Variants in CFAP54 observed in about 807,000 individuals in gnomAD.
CFAP54 encodes cilia and flagella associated protein 54, also known as cilia- and flagella-associated protein 54.
CFAP54 carries 290 observed loss-of-function variants against 370.4 expected under a neutral mutation model. That is an observed-to-expected ratio of 0.78 (90% CI 0.71 to 0.86). The LOEUF (loss-of-function observed/expected upper bound fraction) is 0.86. Among genes scored for constraint, CFAP54 ranks in the 40% least tolerant of loss-of-function variants. The pLI is 0.00. For missense variants in CFAP54, 3,399 were observed against 3,528.7 expected (o/e 0.96, Z 0.93); for synonymous variants, 1,206 against 1,236.5 (o/e 0.98, Z 0.52).
At chr12:96,629,012 C>T (rs1300328933) in intron 30 of CFAP54, among the ~76,000 whole-genome samples, 8 of 152,036 alleles carry the variant, frequency 5.3e-5, no homozygotes, top group East Asian at 1.9e-4. Flanking sequence ...GTAAAAGGTC[C>T]GCTCAGTTCC....
chr12:96,790,381 TC>T (rs1397908940), intron 62 of CFAP54, among the ~76,000 whole-genome samples: 12 of 152,216 alleles, frequency 7.9e-5, no homozygotes, highest in African/African-American at 2.6e-4. Context: ...GTATAATTCA[TC>T]AATTAGCATA....
Position 96,641,628 on chromosome 12 carries a change from C to T in CFAP54, c.4317-2550C>T, listed in dbSNP as rs145267939. ...ATGCTGCTGTAAAGACACATGCACA[C>T]GTATGTTTATTGCGGCACTATTCAC... On this transcript the variant is annotated intron_variant, in intron 32 of 67. Transcript: ENST00000524981. 4.1e-3 allele frequency among the ~76,000 whole-genome samples: 626 copies of T among 152,146 alleles called. 5 individuals carry two copies. The highest frequency in any genetic ancestry group is 4.8e-3 in the Non-Finnish European group (328 of 68,012).
intron 26 of CFAP54, among the ~76,000 whole-genome samples, chr12:96,618,048 C>T (rs1225303733): frequency 6.6e-6 from 1 of 150,892 alleles, no homozygotes; most frequent in Non-Finnish European, 1.5e-5. Flanking sequence ...AAAGCTCTTC[C>T]ATCAATGAGT....
intron 33 of CFAP54, 147 bp downstream of exon 33, chr12:96,644,555 C>T (rs1047160944): frequency 3.8e-5 from 23 of 607,428 alleles, no homozygotes; most frequent in African/African-American, 3.1e-4. Flanking sequence ...TCTGTTCTCA[C>T]ACTGCTATAA....
intron 48 of CFAP54, among the ~76,000 whole-genome samples, chr12:96,716,835 G>C (rs1441457459): frequency 6.6e-6 from 1 of 152,216 alleles, no homozygotes; most frequent in Non-Finnish European, 1.5e-5. Flanking sequence ...AGTATAGCTT[G>C]CCAGGTGCTC....
chr12:96,618,964 A>C (rs763772603), intron 26 of CFAP54, among the ~76,000 whole-genome samples: 43 of 152,270 alleles, frequency 2.8e-4, no homozygotes, highest in Middle Eastern at 3.4e-3. Flanking sequence ...TCCCTAGCTC[A>C]AGCAATCCTC....
chr12:96,589,133 A>G (rs1005542354), intron 22 of CFAP54, among the ~76,000 whole-genome samples: 11 of 152,238 alleles, frequency 7.2e-5, no homozygotes, highest in Admixed American at 4.6e-4. Context: ...AATTTGGCTC[A>G]GATGTGATCT....
intron 26 of CFAP54, among the ~76,000 whole-genome samples, chr12:96,603,024 G>A (rs767175098): frequency 1.6e-4 from 25 of 152,028 alleles, no homozygotes; most frequent in Non-Finnish European, 3.2e-4. Context: ...TATTTTGCCC[G>A]TTAATTGATA....
chr12:96,522,313 GTAAA>G lies in CFAP54; in HGVS notation c.1158+127_1158+130del, dbSNP rs147694047. 5.8e-3 allele frequency: 3,458 copies of G among 599,118 alleles called. 91 individuals carry two copies. The highest frequency in any genetic ancestry group is 0.057 in the African/African-American group (3,074 of 53,618). 37.1% of individuals were successfully genotyped at this position (599,118 alleles called of 1,614,324 possible). On this transcript the variant is annotated intron_variant, in intron 8 of 67. Transcript: ENST00000524981. Reference sequence around the variant, plus strand: ...TGCCCCCAGTTCTCTGCCCTAATGGGTAAATAGAGAGAAGAATGTTTTTCTAGTT... The same window carrying G: ...TGCCCCCAGTTCTCTGCCCTAATGGGTAGAGAGAAGAATGTTTTTCTAGTT...
chr12:96,562,895 GTCA>G (rs1955830729), intron 17 of CFAP54, among the ~76,000 whole-genome samples: 1 of 152,070 alleles, frequency 6.6e-6, no homozygotes, highest in African/African-American at 2.4e-5. Context: ...ATATCTCTGT[GTCA>G]TCATGTATAA....
At chr12:96,524,831 A>G (rs1417934164) in intron 8 of CFAP54, among the ~76,000 whole-genome samples, 2 of 152,226 alleles carry the variant, frequency 1.3e-5, no homozygotes, top group Non-Finnish European at 2.9e-5. Context: ...GACATTTTAA[A>G]TAAGATAATA....
chr12:96,583,553 T>C (rs12582603), intron 22 of CFAP54, among the ~76,000 whole-genome samples: 40,336 of 152,136 alleles, frequency 0.27, 5,962 homozygotes, highest in African/African-American at 0.39. Context: ...GCATTTAAAA[T>C]TTATTATTCC....
At chr12:96,672,921 T>C (rs79013200) in intron 39 of CFAP54, among the ~76,000 whole-genome samples, 17,320 of 152,192 alleles carry the variant, frequency 0.11, 1,293 homozygotes, top group Middle Eastern at 0.22. Flanking sequence ...ATAGGTGCAA[T>C]ATATCAGAAA....
chr12:96,619,461 T>C (rs1211944243), intron 26 of CFAP54, among the ~76,000 whole-genome samples: 1 of 126,644 alleles, frequency 7.9e-6, no homozygotes, highest in African/African-American at 3.0e-5. Flanking sequence ...TGAGTCTTTC[T>C]TCTTTAAGCA....
At chr12:96,644,523 A>G (rs1036006092) in intron 33 of CFAP54, 115 bp downstream of exon 33, 22 of 713,468 alleles carry the variant, frequency 3.1e-5, no homozygotes, top group Admixed American at 1.8e-4. Context: ...GAGTGCTTCT[A>G]TCTTTATACT....
intron 55 of CFAP54, among the ~76,000 whole-genome samples, chr12:96,746,274 C>T (rs547155536): frequency 1.3e-5 from 2 of 152,222 alleles, no homozygotes; most frequent in East Asian, 3.9e-4. Flanking sequence ...CAATAACAAA[C>T]CTACTGTAAG....
intron 58 of CFAP54, among the ~76,000 whole-genome samples, chr12:96,758,607 G>C (rs76006495): frequency 8.5e-5 from 13 of 152,288 alleles, no homozygotes; most frequent in African/African-American, 3.1e-4. Flanking sequence ...GACTTAGGTA[G>C]TGAAATTTGG....
At chr12:96,503,465 C>T (rs1955055688) in intron 2 of CFAP54, among the ~76,000 whole-genome samples, 1 of 146,516 alleles carries the variant, frequency 6.8e-6, no homozygotes, top group Non-Finnish European at 1.5e-5. Flanking sequence ...TTCTCTCTCG[C>T]TCGCTCGCTC....
intron 66 of CFAP54, among the ~76,000 whole-genome samples, chr12:96,848,783 T>G (rs1003706867): frequency 6.6e-6 from 1 of 152,238 alleles, no homozygotes; most frequent in Non-Finnish European, 1.5e-5. Context: ...TTTTGTCATA[T>G]TTAAAGTTTT....
Sources: gnomAD v4.1 joint callset for allele counts (sites outside exome capture counted in the v4.1 genomes callset) on GRCh38, gnomAD v4.1.1 for gene constraint, MANE v1.5 for transcripts, NCBI Gene and HGNC (gene_info 2026-07-23, HGNC 2026-07-21) for gene names.